The following CCDC50 variants were observed in gnomAD, a reference collection of about 807,000 sequenced individuals.
The protein encoded by CCDC50 is coiled-coil domain-containing protein 50.
Under a neutral mutation model 70.2 loss-of-function variants are expected in CCDC50, and 54 were observed. The ratio of observed to expected loss-of-function variants is 0.77; its 90% CI spans 0.62 to 0.96. CCDC50 has a LOEUF of 0.96. CCDC50 is among the 50% of genes least tolerant of loss of function. The probability of loss-of-function intolerance (pLI) is 0.00; values close to 1 mark genes in which losing one functional copy is unlikely to be tolerated. For missense variants in CCDC50, 558 were observed against 578.7 expected (o/e 0.96, Z 0.37); for synonymous variants, 216 against 198.8 (o/e 1.09, Z -0.73).
rs1332248908 is a variant in CCDC50, at chr3:191,396,983, T to C, written c.*5223T>C. ...CTAGAAGAAAATGTTTTTTCTCTTT[T>C]TGAGTTAACTTCATAGCATAGAGAA... On this transcript the variant is annotated 3_prime_UTR_variant, in exon 12 of 12. Coordinates refer to ENST00000392455, the MANE Select transcript of CCDC50 (RefSeq NM_178335.3). 6.6e-5 allele frequency: 10 copies of C among 152,356 alleles called. No individual in the cohort carries two copies. Among genetic ancestry groups the C allele is most frequent in the Admixed American group, 5.2e-4 (8 of 15,300 alleles). The allele number at this position is 152,356 out of a possible 1,614,324, so 9.4% of individuals were successfully genotyped here.
Sources: gnomAD v4.1 joint callset for allele counts on GRCh38, gnomAD v4.1.1 for gene constraint, MANE v1.5 for transcripts, NCBI Gene and HGNC (gene_info 2026-07-23, HGNC 2026-07-21) for gene names.